Variants in FERMT2 observed in about 807,000 individuals in gnomAD.
FERMT2 encodes the protein fermitin family homolog 2.
A neutral mutation model predicts 82.7 loss-of-function variants in FERMT2; 15 were observed. The ratio of observed to expected loss-of-function variants is 0.18; its 90% CI spans 0.12 to 0.28. The LOEUF is 0.28. Ranked by LOEUF, FERMT2 falls within the 10% of genes least tolerant of loss-of-function variation. FERMT2 has a pLI of 1.00. For missense variants in FERMT2, 645 were observed against 809.4 expected (o/e 0.80, Z 2.46); for synonymous variants, 274 against 271.5 (o/e 1.01, Z -0.09).
At chr14:52,933,548 T>C (rs774077850) in intron 2 of FERMT2, among the ~76,000 whole-genome samples, 38 of 151,116 alleles carry the variant, frequency 2.5e-4, no homozygotes, top group Non-Finnish European at 5.2e-4. Context: ...TCGTCTCTAC[T>C]AAAAATACAA....
At chr14:52,901,650 C>A (rs1217188204) in intron 3 of FERMT2, among the ~76,000 whole-genome samples, 1 of 152,146 alleles carries the variant, frequency 6.6e-6, no homozygotes, top group Non-Finnish European at 1.5e-5. Flanking sequence ...GGGCAACAAG[C>A]AATGTGGAGA....
chr14:52,935,837 C>T (rs1011990119), intron 2 of FERMT2, among the ~76,000 whole-genome samples: 6 of 152,116 alleles, frequency 3.9e-5, no homozygotes, highest in Non-Finnish European at 7.4e-5. Flanking sequence ...TTTGAAGTTA[C>T]GAATCTGAGA....
At position 52,858,193 on chromosome 14, in the gene FERMT2, T is replaced by G; in HGVS notation, c.*184A>C. On this transcript the variant is annotated 3_prime_UTR_variant, in exon 15 of 15. Coordinates refer to ENST00000341590, the MANE Select transcript of FERMT2 (RefSeq NM_006832.3). ...GTGTGACAAATTCAAGTTTATTATA[T>G]CATAACATGATAGATTAATAGTCGT... is the stretch of plus-strand genomic sequence containing the variant. The G allele has an allele frequency of 1.8e-6, 1 of 544,232 alleles. No homozygotes were observed. The highest frequency in any genetic ancestry group is 3.2e-6 in the Non-Finnish European group (1 of 307,714). 33.7% of individuals were successfully genotyped at this position (544,232 alleles called of 1,614,324 possible).
Position 52,858,584 on chromosome 14 carries a change from C to CA in FERMT2, c.1870-35dup, listed in dbSNP as rs762386974. The CA allele has an allele frequency of 8.7e-6, 14 of 1,603,928 alleles. No individual in the cohort carries two copies. In the East Asian group the frequency reaches 3.1e-4, roughly 36 times the overall value. On this transcript the variant is annotated intron_variant, in intron 14 of 14. Transcript: ENST00000341590. The stretch of plus-strand genomic sequence containing the variant: ...AAGACAAGAGCCATCAGTGCTGTCC[C>CA]AAATGCTAGGTGGCTGGGTCCACAC...
At position 52,864,522 on chromosome 14, in the gene FERMT2, G is replaced by C; in HGVS notation, c.1481C>G (p.Ser494Cys). ...GTTTAAATGCTGCATCTTCAGAAAG[G>C]AAAGAATATTCTGAACTTCTAAGTT... ...SYNLEVQNIL[S>C]FLKMQHLNPD... is the part of the protein sequence containing the mutation. Residue 494 changes from serine (S) to cysteine (C), a missense_variant, in exon 12 of 15, where the codon TCC becomes TGC. Physicochemically the swap from Ser to Cys is moderately radical, Grantham distance 112 (BLOSUM62 -1). Transcript: ENST00000341590. The C allele has an allele frequency of 1.9e-6, 3 of 1,613,726 alleles. No individual in the cohort carries two copies. The highest frequency in any genetic ancestry group is 2.5e-6 in the Non-Finnish European group (3 of 1,179,632).
intron 3 of FERMT2, among the ~76,000 whole-genome samples, chr14:52,910,882 C>G (rs911666704): frequency 6.6e-6 from 1 of 151,996 alleles, no homozygotes; most frequent in Non-Finnish European, 1.5e-5. Context: ...ACTGCTCGTA[C>G]AGTAAGTAAG....
At chr14:52,868,724 C>G (rs1215836596) in intron 10 of FERMT2, among the ~76,000 whole-genome samples, 2 of 152,118 alleles carry the variant, frequency 1.3e-5, no homozygotes, top group African/African-American at 4.8e-5. Flanking sequence ...GTGGTGTGCA[C>G]CTGCAGTGTC....
chr14:52,927,747 C>G (rs1319693197), intron 2 of FERMT2, among the ~76,000 whole-genome samples: 1 of 151,988 alleles, frequency 6.6e-6, no homozygotes, highest in Non-Finnish European at 1.5e-5. Flanking sequence ...GTTGTTTCTG[C>G]ACGAGAGCTG....
chr14:52,945,413 A>T (rs1401786013), intron 2 of FERMT2, among the ~76,000 whole-genome samples: 1 of 150,936 alleles, frequency 6.6e-6, no homozygotes, highest in Admixed American at 6.6e-5. Flanking sequence ...ATGCCTGGCT[A>T]ATTTTTTTTT....
At chr14:52,923,529 C>T (rs926710180) in intron 2 of FERMT2, among the ~76,000 whole-genome samples, 3 of 151,714 alleles carry the variant, frequency 2.0e-5, no homozygotes, top group Non-Finnish European at 2.9e-5. Context: ...CAACTGTGAC[C>T]TCAGAAACAT....
chr14:52,945,351 A>G (rs569163571), intron 2 of FERMT2, among the ~76,000 whole-genome samples: 5 of 151,770 alleles, frequency 3.3e-5, no homozygotes, highest in Non-Finnish European at 7.4e-5. Flanking sequence ...CCCAGGTTCA[A>G]GCGATTCTCC....
At chr14:52,859,221 C>A in intron 14 of FERMT2, 1 of 173,832 alleles carries the variant, frequency 5.8e-6, no homozygotes, top group Non-Finnish European at 1.2e-5. Context: ...CCTTAAAAGG[C>A]TGTGATGAGG....
intron 4 of FERMT2, among the ~76,000 whole-genome samples, chr14:52,883,621 T>C (rs1483707787): frequency 6.6e-6 from 1 of 152,234 alleles, no homozygotes; most frequent in African/African-American, 2.4e-5. Flanking sequence ...AAGTTTCTAA[T>C]ATAGAAAAGA....
At chr14:52,941,935 A>T (rs993528276) in intron 2 of FERMT2, among the ~76,000 whole-genome samples, 9 of 152,202 alleles carry the variant, frequency 5.9e-5, no homozygotes, top group African/African-American at 2.2e-4. Flanking sequence ...TGGTACTTAA[A>T]TAGCTCTCTT....
At chr14:52,904,950 G>T (rs1398796953) in intron 3 of FERMT2, among the ~76,000 whole-genome samples, 1 of 152,046 alleles carries the variant, frequency 6.6e-6, no homozygotes, top group Non-Finnish European at 1.5e-5. Context: ...AGCACCTTGG[G>T]AGGCTGGGGC....
At chr14:52,902,992 T>C (rs1229559313) in intron 3 of FERMT2, among the ~76,000 whole-genome samples, 1 of 137,722 alleles carries the variant, frequency 7.3e-6, no homozygotes, top group Non-Finnish European at 1.5e-5. Flanking sequence ...AATGTCTGAC[T>C]AACAGTAACA....
intron 4 of FERMT2, among the ~76,000 whole-genome samples, chr14:52,885,010 A>G (rs1205735835): frequency 1.3e-5 from 2 of 150,382 alleles, no homozygotes; most frequent in Non-Finnish European, 3.0e-5. Flanking sequence ...TCGAAAAATA[A>G]AAATAAAAAA....
chr14:52,861,032 T>C lies in FERMT2; in HGVS notation c.1603-567A>G, dbSNP rs577037564. ...AACTTACCAAATCTCTTATATAGCCTGGCTGTAGATGGCAATGCGAGGAAA... is the reference window on the plus strand; with the variant it reads ...AACTTACCAAATCTCTTATATAGCCCGGCTGTAGATGGCAATGCGAGGAAA... On this transcript the variant is annotated intron_variant, in intron 12 of 14. Coordinates refer to ENST00000341590, the MANE Select transcript of FERMT2 (RefSeq NM_006832.3). 140 of 1,509,616 alleles carry C rather than the reference T, an allele frequency of 9.3e-5. 1 individual carries two copies. In the South Asian group the frequency reaches 1.6e-3, roughly 18 times the overall value. 93.5% of individuals were successfully genotyped at this position (1,509,616 alleles called of 1,614,324 possible).
chr14:52,888,014 T>C lies in FERMT2; in HGVS notation c.526+5279A>G, dbSNP rs531253878. 3.2e-4 allele frequency among the ~76,000 whole-genome samples: 48 copies of C among 152,338 alleles called. 1 individual carries two copies. The highest frequency in any genetic ancestry group is 2.0e-3 in the Admixed American group (30 of 15,304). ...TCAATAATACTTATAACTTATTTAC[T>C]ATGTATGTAATTGTTGACCATGGAG... is the stretch of plus-strand genomic sequence containing the variant. On this transcript the variant is annotated intron_variant, in intron 4 of 14. Coordinates refer to ENST00000341590, the MANE Select transcript of FERMT2 (RefSeq NM_006832.3).
Sources: allele counts gnomAD v4.1 joint callset (sites outside exome capture counted in the v4.1 genomes callset), GRCh38; gene constraint gnomAD v4.1.1; transcripts MANE v1.5; gene names NCBI Gene and HGNC (gene_info 2026-07-23, HGNC 2026-07-21).